MAPK8: variants seen among roughly 807,000 people sequenced by gnomAD.
MAPK8 encodes mitogen-activated protein kinase 8.
In MAPK8, 13 loss-of-function variants were observed where a neutral mutation model predicts 52.9. The observed-to-expected ratio is 0.25, with a 90% confidence interval of 0.16 to 0.39. MAPK8 has a LOEUF of 0.39. Among genes scored for constraint, MAPK8 ranks in the 10% least tolerant of loss-of-function variants. The pLI is 1.00. For synonymous variants in MAPK8, 191 were observed against 169.8 expected (o/e 1.12, Z -0.97); for missense variants, 300 against 519.2 (o/e 0.58, Z 4.10).
chr10:48,324,503 G>GTTTTTTTTTTTTTTTGTTTTTTTTTTTT (rs1843294705), intron 1 of MAPK8, among the ~76,000 whole-genome samples: 1 of 118,020 alleles, frequency 8.5e-6, no homozygotes, highest in Non-Finnish European at 1.7e-5. Context: ...CTGTTTTCTA[G>GTTTTTTTTTTTTTTTGTTTTTTTTTTTT]TTTTTTTTTT....
intron 1 of MAPK8, among the ~76,000 whole-genome samples, chr10:48,309,901 A>G (rs1259107045): frequency 6.6e-6 from 1 of 152,226 alleles, no homozygotes; most frequent in Non-Finnish European, 1.5e-5. Context: ...CATTATAACC[A>G]CATAGCTTTA....
intron 1 of MAPK8, among the ~76,000 whole-genome samples, chr10:48,362,021 T>C (rs1431282430): frequency 6.6e-6 from 1 of 152,214 alleles, no homozygotes; most frequent in African/African-American, 2.4e-5. Context: ...ACCAGCTTTA[T>C]TTGCCTTGCT....
intron 1 of MAPK8, among the ~76,000 whole-genome samples, chr10:48,327,855 G>A (rs941625015): frequency 6.6e-6 from 1 of 152,172 alleles, no homozygotes; most frequent in African/African-American, 2.4e-5. Context: ...AACTTTGGTA[G>A]ATTGTGTCTT....
intron 1 of MAPK8, among the ~76,000 whole-genome samples, chr10:48,397,016 A>C (rs990142987): frequency 6.6e-6 from 1 of 152,256 alleles, no homozygotes; most frequent in Admixed American, 6.5e-5. Flanking sequence ...TTCACCCAGC[A>C]ACAGCATTTG....
At chr10:48,335,911 C>T (rs181270664) in intron 1 of MAPK8, among the ~76,000 whole-genome samples, 43 of 152,168 alleles carry the variant, frequency 2.8e-4, no homozygotes, top group South Asian at 1.4e-3. Flanking sequence ...GTCTATCTTG[C>T]GTTTTAAATG....
At chr10:48,356,962 G>A (rs914141488) in intron 1 of MAPK8, among the ~76,000 whole-genome samples, 5 of 145,666 alleles carry the variant, frequency 3.4e-5, no homozygotes, top group East Asian at 4.2e-4. Flanking sequence ...AAGATATATC[G>A]TGCAAATACT....
intron 1 of MAPK8, among the ~76,000 whole-genome samples, chr10:48,334,468 C>CAA (rs1476061542): frequency 1.3e-5 from 2 of 152,124 alleles, no homozygotes; most frequent in African/African-American, 2.4e-5. Context: ...GCCCAACCAC[C>CAA]AAGGCAGTAC....
intron 1 of MAPK8, among the ~76,000 whole-genome samples, chr10:48,339,712 AAG>A (rs1309225232): frequency 6.6e-6 from 1 of 152,158 alleles, no homozygotes; most frequent in Non-Finnish European, 1.5e-5. Flanking sequence ...TTGAATCAAT[AAG>A]AAAAAATAAC....
At chr10:48,362,381 A>G (rs1367143410) in intron 1 of MAPK8, among the ~76,000 whole-genome samples, 1 of 152,096 alleles carries the variant, frequency 6.6e-6, no homozygotes. Flanking sequence ...CCTTGCTTTA[A>G]GATGAACTTT....
At chr10:48,332,193 G>A (rs1447656722) in intron 1 of MAPK8, among the ~76,000 whole-genome samples, 1 of 152,188 alleles carries the variant, frequency 6.6e-6, no homozygotes, top group African/African-American at 2.4e-5. Context: ...GGTGACCTAC[G>A]ATCACCAGTA....
chr10:48,316,423 T>C (rs528294459), intron 1 of MAPK8, among the ~76,000 whole-genome samples: 6 of 152,228 alleles, frequency 3.9e-5, no homozygotes, highest in Non-Finnish European at 5.9e-5. Flanking sequence ...AATTGCCTAA[T>C]GATGCATTTC....
chr10:48,396,022 A>G (rs919702700), intron 1 of MAPK8, among the ~76,000 whole-genome samples: 2 of 152,104 alleles, frequency 1.3e-5, no homozygotes, highest in African/African-American at 4.8e-5. Flanking sequence ...TAAGGAAACA[A>G]AAGAGAAGAT....
chr10:48,347,401 G>T (rs1845890139), intron 1 of MAPK8, among the ~76,000 whole-genome samples: 1 of 152,108 alleles, frequency 6.6e-6, no homozygotes, highest in African/African-American at 2.4e-5. Flanking sequence ...TATTTGACAA[G>T]AATTTTTTTA....
At chr10:48,372,509 C>T (rs568036321) in intron 1 of MAPK8, among the ~76,000 whole-genome samples, 1 of 152,080 alleles carries the variant, frequency 6.6e-6, no homozygotes, top group African/African-American at 2.4e-5. Flanking sequence ...ACTAGAATAA[C>T]CCGCTTAGAG....
intron 1 of MAPK8, among the ~76,000 whole-genome samples, chr10:48,319,977 C>T (rs1435689438): frequency 2.0e-5 from 3 of 151,688 alleles, no homozygotes; most frequent in Admixed American, 1.3e-4. Flanking sequence ...AGTGCAATGG[C>T]GTGATCTTGG....
intron 1 of MAPK8, among the ~76,000 whole-genome samples, chr10:48,321,295 C>A (rs550975907): frequency 6.6e-6 from 1 of 151,732 alleles, no homozygotes; most frequent in African/African-American, 2.4e-5. Flanking sequence ...CACTGTGCCG[C>A]CTAGGTGCTG....
At chr10:48,306,884 T>TGCC (rs927663175) in intron 1 of MAPK8, 63 bp downstream of exon 1, 14 of 152,150 alleles carry the variant, frequency 9.2e-5, no homozygotes, top group African/African-American at 2.9e-4. Flanking sequence ...TATGTTATTG[T>TGCC]GCCGCTGCCG....
intron 1 of MAPK8, among the ~76,000 whole-genome samples, chr10:48,363,018 C>T (rs1459303424): frequency 2.6e-5 from 4 of 152,038 alleles, no homozygotes; most frequent in Non-Finnish European, 1.5e-5. Context: ...GGATTACAGG[C>T]GTGAACCGCC....
intron 7 of MAPK8, 66 bp from the exon 8 acceptor site, chr10:48,425,821 TA>T: frequency 1.2e-6 from 1 of 845,646 alleles, no homozygotes; most frequent in South Asian, 2.3e-5. Context: ...TATTTTCTTG[TA>T]ATATGAATAT....
Sources: allele counts gnomAD v4.1 joint callset (sites outside exome capture counted in the v4.1 genomes callset), GRCh38; gene constraint gnomAD v4.1.1; transcripts MANE v1.5; gene names NCBI Gene and HGNC (gene_info 2026-07-23, HGNC 2026-07-21).